RBMS3: variants seen among roughly 807,000 people sequenced by gnomAD.
RBMS3 encodes RNA-binding motif, single-stranded-interacting protein 3.
RBMS3 carries 27 observed loss-of-function variants against 66.8 expected under a neutral mutation model. The observed-to-expected ratio is 0.40, with a 90% confidence interval of 0.30 to 0.56. The LOEUF (loss-of-function observed/expected upper bound fraction) is 0.56. RBMS3 is among the 20% of genes least tolerant of loss of function. RBMS3 has a pLI of 0.40. For synonymous variants in RBMS3, 188 were observed against 183.0 expected (o/e 1.03, Z -0.22); for missense variants, 513 against 549.5 (o/e 0.93, Z 0.66).
At chr3:29,861,148 A>C (rs2059206278) in intron 6 of RBMS3, among the ~76,000 whole-genome samples, 1 of 152,118 alleles carries the variant, frequency 6.6e-6, no homozygotes, top group Admixed American at 6.5e-5. Context: ...ACAACCTCAA[A>C]ATTTTTCTTT....
At chr3:29,295,389 A>T (rs1196065993) in intron 1 of RBMS3, among the ~76,000 whole-genome samples, 1 of 147,742 alleles carries the variant, frequency 6.8e-6, no homozygotes, top group African/African-American at 2.5e-5. Flanking sequence ...ACATATATAT[A>T]TGTTTCATGA....
chr3:29,970,567 A>AT (rs1313035689), intron 12 of RBMS3, among the ~76,000 whole-genome samples: 67 of 152,016 alleles, frequency 4.4e-4, no homozygotes, highest in Admixed American at 3.9e-4. Context: ...TATCCAATTT[A>AT]TTTTCTTTGT....
chr3:29,973,080 T>C (rs1202034040), intron 12 of RBMS3, among the ~76,000 whole-genome samples: 1 of 152,080 alleles, frequency 6.6e-6, no homozygotes, highest in Non-Finnish European at 1.5e-5. Context: ...TAAACTAATT[T>C]CTTGATTATT....
chr3:29,672,737 T>A (rs2051059371), intron 4 of RBMS3, among the ~76,000 whole-genome samples: 1 of 151,932 alleles, frequency 6.6e-6, no homozygotes, highest in South Asian at 2.1e-4. Flanking sequence ...AAGAGCTATG[T>A]CTTAATATAT....
intron 6 of RBMS3, among the ~76,000 whole-genome samples, chr3:29,847,069 A>T (rs2058800191): frequency 6.6e-6 from 1 of 152,214 alleles, no homozygotes; most frequent in Non-Finnish European, 1.5e-5. Flanking sequence ...GAGTAAATAC[A>T]TTTGTCATTT....
intron 1 of RBMS3, among the ~76,000 whole-genome samples, chr3:29,323,378 C>T (rs1027865011): frequency 1.3e-5 from 2 of 151,892 alleles, no homozygotes; most frequent in African/African-American, 4.8e-5. Context: ...GAAACAAAGC[C>T]GTAAACTAGG....
intron 4 of RBMS3, chr3:29,698,254 C>T (rs899796641): frequency 1.0e-6 from 1 of 985,372 alleles, no homozygotes; most frequent in African/African-American, 1.7e-5. Context: ...ATTCTACATA[C>T]ACAGCAAATG....
At chr3:29,860,825 C>A (rs1453759895) in intron 6 of RBMS3, among the ~76,000 whole-genome samples, 1 of 152,146 alleles carries the variant, frequency 6.6e-6, no homozygotes, top group Non-Finnish European at 1.5e-5. Context: ...TACAAGTCAC[C>A]CAGAATATCA....
chr3:29,706,224 TC>T (rs1319628287), intron 4 of RBMS3, among the ~76,000 whole-genome samples: 2 of 152,198 alleles, frequency 1.3e-5, no homozygotes, highest in African/African-American at 4.8e-5. Flanking sequence ...ACAAAGGCAT[TC>T]TAGTCCTGAC....
intron 3 of RBMS3, among the ~76,000 whole-genome samples, chr3:29,567,609 G>T (rs1234561803): frequency 1.3e-5 from 2 of 152,098 alleles, no homozygotes; most frequent in African/African-American, 4.8e-5. Flanking sequence ...GCCCCATTAT[G>T]AGTGAAGGAA....
intron 3 of RBMS3, among the ~76,000 whole-genome samples, chr3:29,496,239 T>G (rs1388437861): frequency 6.6e-6 from 1 of 150,966 alleles, no homozygotes; most frequent in Non-Finnish European, 1.5e-5. Context: ...CAAAAAAAAG[T>G]TATATTTTAA....
intron 13 of RBMS3, among the ~76,000 whole-genome samples, chr3:29,989,134 A>T (rs939232034): frequency 2.0e-5 from 3 of 152,292 alleles, no homozygotes; most frequent in African/African-American, 4.8e-5. Context: ...GACAAGAAAG[A>T]AGTTGTACAA....
intron 8 of RBMS3, among the ~76,000 whole-genome samples, chr3:29,890,153 T>C (rs2059965220): frequency 1.3e-5 from 2 of 151,726 alleles, no homozygotes; most frequent in Non-Finnish European, 3.0e-5. Flanking sequence ...TTTGCTTATC[T>C]TTGGTTTCAT....
intron 1 of RBMS3, among the ~76,000 whole-genome samples, chr3:29,395,543 T>C (rs2039509080): frequency 2.0e-5 from 3 of 152,204 alleles, no homozygotes; most frequent in Non-Finnish European, 4.4e-5. Context: ...TTCTCCATCA[T>C]TGTCATTAGA....
At chr3:29,310,339 G>A (rs6791039) in intron 1 of RBMS3, among the ~76,000 whole-genome samples, 39,029 of 151,438 alleles carry the variant, frequency 0.26, 5,404 homozygotes, top group African/African-American at 0.35. Flanking sequence ...GAGAGGCAAA[G>A]TCAAATTTGT....
intron 1 of RBMS3, among the ~76,000 whole-genome samples, chr3:29,431,533 C>T (rs1422842568): frequency 2.6e-5 from 4 of 151,846 alleles, no homozygotes; most frequent in East Asian, 2.0e-4. Context: ...CCTTGTGATC[C>T]GCCCTCCTCA....
At chr3:29,488,350 C>A in intron 2 of RBMS3, 91 bp from the exon 3 acceptor site, 1 of 1,057,642 alleles carries the variant, frequency 9.5e-7, no homozygotes, top group South Asian at 1.4e-5. Context: ...TATGCATGCT[C>A]AGTTGTGTGT....
intron 5 of RBMS3, among the ~76,000 whole-genome samples, chr3:29,753,502 C>G (rs777880238): frequency 2.6e-5 from 4 of 152,072 alleles, no homozygotes; most frequent in Non-Finnish European, 4.4e-5. Flanking sequence ...ATCTAAACAC[C>G]GGAAAAAATG....
chr3:29,911,083 G>A (rs1404014509), intron 10 of RBMS3, among the ~76,000 whole-genome samples: 3 of 152,064 alleles, frequency 2.0e-5, no homozygotes, highest in South Asian at 2.1e-4. Flanking sequence ...CAGTAAAGAG[G>A]AGGAAGTTAC....
Sources: gnomAD v4.1 joint callset for allele counts (sites outside exome capture counted in the v4.1 genomes callset) on GRCh38, gnomAD v4.1.1 for gene constraint, MANE v1.5 for transcripts, NCBI Gene and HGNC (gene_info 2026-07-23, HGNC 2026-07-21) for gene names.